Variants in FAM81A observed in about 807,000 individuals in gnomAD.
The protein encoded by FAM81A is family with sequence similarity 81 member A.
FAM81A carries 19 observed loss-of-function variants against 46.7 expected under a neutral mutation model. The ratio of observed to expected loss-of-function variants is 0.41; its 90% confidence interval spans 0.28 to 0.60. The LOEUF (loss-of-function observed/expected upper bound fraction) is 0.60, where lower values mean the gene tolerates loss of function less well. FAM81A is among the 20% of genes least tolerant of loss of function. The probability of loss-of-function intolerance (pLI) is 0.34; values close to 1 mark genes in which losing one functional copy is unlikely to be tolerated. For missense variants in FAM81A, 377 were observed against 453.5 expected (o/e 0.83, Z 1.53); for synonymous variants, 183 against 152.9 (o/e 1.20, Z -1.45).
chr15:59,450,167 G>A (rs996871747), intron 1 of FAM81A, among the ~76,000 whole-genome samples: 2 of 146,624 alleles, frequency 1.4e-5, no homozygotes, highest in Non-Finnish European at 3.0e-5. Flanking sequence ...CTGGGTTCAA[G>A]CCATCTGCCG....
intron 2 of FAM81A, among the ~76,000 whole-genome samples, chr15:59,424,736 A>T (rs757564296): frequency 3.3e-5 from 5 of 152,212 alleles, no homozygotes; most frequent in Non-Finnish European, 7.3e-5. Flanking sequence ...GCTGAACTCT[A>T]CCTCTGCATT....
chr15:59,514,472 G>T (rs759000591), intron 7 of FAM81A, 48 bp downstream of exon 7: 4 of 1,577,210 alleles, frequency 2.5e-6, no homozygotes, highest in Non-Finnish European at 3.4e-6. Context: ...TTCAGTGGGG[G>T]CCTACACTGT....
At chr15:59,442,146 G>A (rs536774555) in intron 1 of FAM81A, among the ~76,000 whole-genome samples, 3 of 152,178 alleles carry the variant, frequency 2.0e-5, no homozygotes, top group Non-Finnish European at 4.4e-5. Flanking sequence ...TTTACCCAGG[G>A]CCCCCAGGTA....
At chr15:59,454,516 C>A (rs1172181769) in intron 1 of FAM81A, among the ~76,000 whole-genome samples, 3 of 152,132 alleles carry the variant, frequency 2.0e-5, no homozygotes, top group African/African-American at 7.2e-5. Flanking sequence ...TCACAGAATC[C>A]TCATAATCAC....
intron 3 of FAM81A, among the ~76,000 whole-genome samples, chr15:59,466,134 G>A (rs1454420816): frequency 6.6e-6 from 1 of 152,188 alleles, no homozygotes; most frequent in African/African-American, 2.4e-5. Context: ...TTGGTTCCAA[G>A]TCTTTGCTAT....
At chr15:59,469,538 CTT>C (rs199942364) in intron 3 of FAM81A, among the ~76,000 whole-genome samples, 28 of 142,600 alleles carry the variant, frequency 2.0e-4, no homozygotes, top group East Asian at 2.0e-4. Flanking sequence ...GCAACCCCTG[CTT>C]TTTTTTTTTT....
intron 3 of FAM81A, among the ~76,000 whole-genome samples, chr15:59,480,787 G>T (rs1004318324): frequency 1.3e-5 from 2 of 152,146 alleles, no homozygotes; most frequent in Non-Finnish European, 2.9e-5. Context: ...AATGCATCAT[G>T]ATGATATATT....
intron 4 of FAM81A, among the ~76,000 whole-genome samples, chr15:59,503,655 C>G (rs2141804448): frequency 6.6e-6 from 1 of 152,222 alleles, no homozygotes; most frequent in East Asian, 1.9e-4. Context: ...TCACTGCAAC[C>G]TCCGCCTCCC....
At chr15:59,454,356 T>C (rs2081456725) in intron 1 of FAM81A, among the ~76,000 whole-genome samples, 1 of 152,220 alleles carries the variant, frequency 6.6e-6, no homozygotes. Flanking sequence ...CATTTACCAT[T>C]TTACATTAAA....
chr15:59,488,263 A>G (rs1184490248), intron 3 of FAM81A, among the ~76,000 whole-genome samples: 1 of 152,212 alleles, frequency 6.6e-6, no homozygotes, highest in African/African-American at 2.4e-5. Context: ...TATACAAGGA[A>G]CACATCTCAA....
At chr15:59,431,244 C>CT (rs1351338279) in intron 2 of FAM81A, among the ~76,000 whole-genome samples, 17 of 148,958 alleles carry the variant, frequency 1.1e-4, no homozygotes, top group Middle Eastern at 3.4e-3. Flanking sequence ...TTTTTTTTTT[C>CT]TTTTTTTTGA....
chr15:59,481,751 G>A (rs776930636), intron 3 of FAM81A, among the ~76,000 whole-genome samples: 21 of 151,740 alleles, frequency 1.4e-4, no homozygotes, highest in Non-Finnish European at 2.6e-4. Context: ...GAGTTACTGG[G>A]TCAAAGGTTA....
chr15:59,487,202 A>T, intron 3 of FAM81A, among the ~76,000 whole-genome samples: 1 of 146,892 alleles, frequency 6.8e-6, no homozygotes, highest in Non-Finnish European at 1.5e-5. Flanking sequence ...TATATATATT[A>T]TATATATATC....
At chr15:59,520,871 T>C (rs1309486477) in intron 8 of FAM81A, among the ~76,000 whole-genome samples, 1 of 152,196 alleles carries the variant, frequency 6.6e-6, no homozygotes, top group Non-Finnish European at 1.5e-5. Flanking sequence ...GCCTGTTTGC[T>C]TCATCTTGAT....
intron 4 of FAM81A, among the ~76,000 whole-genome samples, chr15:59,502,909 G>A (rs367717333): frequency 1.3e-5 from 2 of 151,972 alleles, no homozygotes; most frequent in Non-Finnish European, 2.9e-5. Context: ...AAAAGTACAC[G>A]AGGGATGTGT....
At chr15:59,411,045 AGG>A (rs2081118333) in intron 2 of FAM81A, among the ~76,000 whole-genome samples, 1 of 152,306 alleles carries the variant, frequency 6.6e-6, no homozygotes, top group South Asian at 2.1e-4. Context: ...CCACCGCGCC[AGG>A]CCCAGATGTT....
At chr15:59,497,439 C>G (rs1195727250) in intron 4 of FAM81A, among the ~76,000 whole-genome samples, 2 of 151,366 alleles carry the variant, frequency 1.3e-5, no homozygotes, top group African/African-American at 2.4e-5. Context: ...GAGCAAGACT[C>G]TGTCTCAAAA....
chr15:59,466,975 A>G (rs2081621898), intron 3 of FAM81A, among the ~76,000 whole-genome samples: 1 of 151,898 alleles, frequency 6.6e-6, no homozygotes, highest in Non-Finnish European at 1.5e-5. Flanking sequence ...TCCTTTCCCC[A>G]TTTCTTGTTT....
intron 3 of FAM81A, among the ~76,000 whole-genome samples, chr15:59,481,989 T>C (rs2081858253): frequency 1.3e-5 from 2 of 152,230 alleles, no homozygotes; most frequent in South Asian, 4.1e-4. Flanking sequence ...TAGAGCATTT[T>C]TTGGTTCATA....
Sources: allele counts gnomAD v4.1 joint callset (sites outside exome capture counted in the v4.1 genomes callset), GRCh38; gene constraint gnomAD v4.1.1; transcripts MANE v1.5; gene names NCBI Gene and HGNC (gene_info 2026-07-23, HGNC 2026-07-21).